The following WDFY3 variants were observed in gnomAD, a reference collection of about 807,000 sequenced individuals.
The protein encoded by WDFY3 is WD repeat and FYVE domain-containing protein 3.
In WDFY3, 66 loss-of-function variants were observed where a neutral mutation model predicts 409.6. That is an observed-to-expected ratio of 0.16 (90% CI 0.13 to 0.20). WDFY3 has a LOEUF of 0.20. Among genes scored for constraint, WDFY3 ranks in the 10% least tolerant of loss-of-function variants. WDFY3 has a pLI of 1.00. For synonymous variants in WDFY3, 1,521 were observed against 1,537.1 expected, an observed-to-expected ratio of 0.99 and a Z score of 0.25; for missense variants, 3,031 against 4,298.1, an observed-to-expected ratio of 0.71 and a Z score of 8.24.
chr4:84,775,008 C>G (rs200505360), intron 28 of WDFY3, 27 bp from the exon 29 acceptor site: 27 of 1,613,526 alleles, frequency 1.7e-5, no homozygotes, highest in Admixed American at 1.2e-4. Context: ...ATTTTATACA[C>G]TGTACTATCA....
chr4:84,687,043 G>A (rs1286682798), intron 62 of WDFY3, among the ~76,000 whole-genome samples: 1 of 152,098 alleles, frequency 6.6e-6, no homozygotes, highest in African/African-American at 2.4e-5. Flanking sequence ...TTTGAAAATA[G>A]CTATATAAGA....
intron 5 of WDFY3, among the ~76,000 whole-genome samples, chr4:84,849,292 C>T (rs1285776592): frequency 6.6e-6 from 1 of 151,986 alleles, no homozygotes; most frequent in Non-Finnish European, 1.5e-5. Context: ...GATCAAGACA[C>T]ATGCACAATG....
At chr4:84,847,709 G>GT (rs1270665585) in intron 5 of WDFY3, among the ~76,000 whole-genome samples, 1 of 146,600 alleles carries the variant, frequency 6.8e-6, no homozygotes, top group Non-Finnish European at 1.5e-5. Context: ...AGGAGGCAGA[G>GT]GTTGCAGTGA....
chr4:84,942,307 C>A (rs530579123), intron 1 of WDFY3, among the ~76,000 whole-genome samples: 117 of 151,486 alleles, frequency 7.7e-4, no homozygotes, highest in African/African-American at 2.7e-3. Context: ...CAGACTGGAA[C>A]CCAAAATATA....
chr4:84,905,678 C>A (rs942855682), intron 2 of WDFY3, among the ~76,000 whole-genome samples: 2 of 152,188 alleles, frequency 1.3e-5, no homozygotes, highest in Non-Finnish European at 2.9e-5. Context: ...AACTTTAAAA[C>A]CCTTCGGTGG....
chr4:84,941,363 T>C (rs1441507081), intron 1 of WDFY3, among the ~76,000 whole-genome samples: 2 of 151,624 alleles, frequency 1.3e-5, no homozygotes, highest in Admixed American at 1.3e-4. Context: ...GATAAAGAGA[T>C]AGATAGATAG....
chr4:84,814,887 C>A (rs1325477436), intron 13 of WDFY3, among the ~76,000 whole-genome samples: 1 of 152,070 alleles, frequency 6.6e-6, no homozygotes, highest in Non-Finnish European at 1.5e-5. Context: ...TCTGGGGGGT[C>A]TTAGAATGTA....
At chr4:84,859,866 C>T (rs1188187675) in intron 4 of WDFY3, among the ~76,000 whole-genome samples, 19 of 152,270 alleles carry the variant, frequency 1.2e-4, no homozygotes, top group East Asian at 1.9e-4. Flanking sequence ...TGAGCCACCA[C>T]GCCTGGCCTA....
At chr4:84,783,862 TACACACACACAC>T (rs137878462) in intron 24 of WDFY3, among the ~76,000 whole-genome samples, 53 of 140,936 alleles carry the variant, frequency 3.8e-4, no homozygotes, top group Non-Finnish European at 6.3e-4. Flanking sequence ...GTGTCATACA[TACACACACACAC>T]ACACACACAC....
intron 1 of WDFY3, among the ~76,000 whole-genome samples, chr4:84,952,463 C>T (rs1773726389): frequency 6.6e-6 from 1 of 152,162 alleles, no homozygotes; most frequent in East Asian, 1.9e-4. Context: ...GTACCATCTG[C>T]TATACTGAAT....
intron 1 of WDFY3, among the ~76,000 whole-genome samples, chr4:84,960,495 T>C (rs1406658177): frequency 1.3e-5 from 2 of 152,196 alleles, no homozygotes; most frequent in Non-Finnish European, 2.9e-5. Flanking sequence ...CGAACAAATG[T>C]ATGAATCAAT....
chr4:84,828,806 G>A (rs1422345001), intron 9 of WDFY3, among the ~76,000 whole-genome samples, 198 bp downstream of exon 9: 2 of 152,162 alleles, frequency 1.3e-5, no homozygotes, highest in African/African-American at 4.8e-5. Flanking sequence ...GGCTGAGGTG[G>A]GAGGACCATT....
At chr4:84,912,098 G>C (rs1767873475) in intron 2 of WDFY3, among the ~76,000 whole-genome samples, 1 of 152,184 alleles carries the variant, frequency 6.6e-6, no homozygotes, top group South Asian at 2.1e-4. Context: ...CAAGGTTCAT[G>C]CATATATTTT....
intron 25 of WDFY3, among the ~76,000 whole-genome samples, chr4:84,782,533 C>T (rs1325800329): frequency 6.6e-6 from 1 of 152,146 alleles, no homozygotes; most frequent in Non-Finnish European, 1.5e-5. Context: ...GCTCTCCCTC[C>T]CCTTGGCCCA....
intron 21 of WDFY3, among the ~76,000 whole-genome samples, chr4:84,792,134 T>G (rs1748637951): frequency 6.6e-6 from 1 of 152,168 alleles, no homozygotes; most frequent in South Asian, 2.1e-4. Flanking sequence ...GCAAATAAAA[T>G]ATTTATTTCT....
At chr4:84,901,781 T>C (rs940884127) in intron 2 of WDFY3, among the ~76,000 whole-genome samples, 13 of 152,358 alleles carry the variant, frequency 8.5e-5, no homozygotes, top group South Asian at 4.1e-4. Context: ...TACTATACTC[T>C]TGGGTTTCAG....
chr4:84,795,087 A>G, intron 19 of WDFY3, 108 bp from the exon 20 acceptor site: 1 of 728,756 alleles, frequency 1.4e-6, no homozygotes, highest in Non-Finnish European at 2.0e-6. Context: ...TGACTAGAGA[A>G]AAGATCATGG....
At chr4:84,951,313 A>C (rs967683375) in intron 1 of WDFY3, among the ~76,000 whole-genome samples, 7 of 152,202 alleles carry the variant, frequency 4.6e-5, no homozygotes, top group African/African-American at 1.7e-4. Flanking sequence ...AAATCTTCAA[A>C]ACTGCTGTTC....
At chr4:84,763,550 TA>T (rs1170633406) in intron 32 of WDFY3, among the ~76,000 whole-genome samples, 4 of 151,224 alleles carry the variant, frequency 2.6e-5, no homozygotes, top group Non-Finnish European at 5.9e-5. Flanking sequence ...AGTAAAATTT[TA>T]AAAAATCTAT....
Sources: allele counts gnomAD v4.1 joint callset (sites outside exome capture counted in the v4.1 genomes callset), GRCh38; gene constraint gnomAD v4.1.1; transcripts MANE v1.5; gene names NCBI Gene and HGNC (gene_info 2026-07-23, HGNC 2026-07-21).